The following CABLES1 variants were observed in gnomAD, a reference collection of about 807,000 sequenced individuals.
CABLES1 encodes Cdk5 and Abl enzyme substrate 1, also known as CDK5 and ABL1 enzyme substrate 1.
CABLES1 carries 36 observed loss-of-function variants against 57.8 expected under a neutral mutation model. That is an observed-to-expected ratio of 0.62 (90% confidence interval 0.48 to 0.82). The LOEUF is 0.82. Among genes scored for constraint, CABLES1 ranks in the 40% least tolerant of loss-of-function variants. CABLES1 has a pLI of 0.00. For missense variants in CABLES1, 767 were observed against 836.6 expected, an observed-to-expected ratio of 0.92 and a Z score of 1.03; for synonymous variants, 374 against 363.0, an observed-to-expected ratio of 1.03 and a Z score of -0.35.
intron 9 of CABLES1, among the ~76,000 whole-genome samples, chr18:23,254,526 A>T (rs1442081520): frequency 1.3e-5 from 2 of 152,256 alleles, no homozygotes; most frequent in Admixed American, 6.5e-5. Context: ...ATAGTTTGTT[A>T]CAGTTCCCAA....
intron 1 of CABLES1, among the ~76,000 whole-genome samples, chr18:23,148,613 C>G (rs1182845321): frequency 2.6e-5 from 4 of 152,170 alleles, no homozygotes; most frequent in Non-Finnish European, 4.4e-5. Flanking sequence ...AGAGGACAGC[C>G]CAGCACAAGG....
intron 4 of CABLES1, among the ~76,000 whole-genome samples, chr18:23,225,233 A>G (rs1341114511): frequency 2.0e-5 from 3 of 152,226 alleles, no homozygotes; most frequent in Non-Finnish European, 4.4e-5. Flanking sequence ...TCAGGTTCAC[A>G]GTGAGTTTGT....
At chr18:23,249,573 T>C (rs2047987328) in intron 7 of CABLES1, among the ~76,000 whole-genome samples, 1 of 152,246 alleles carries the variant, frequency 6.6e-6, no homozygotes, top group Non-Finnish European at 1.5e-5. Flanking sequence ...TTTGTGCTCC[T>C]GATGAAATTT....
chr18:23,148,047 C>T (rs1486782485), intron 1 of CABLES1, among the ~76,000 whole-genome samples: 11 of 139,032 alleles, frequency 7.9e-5, no homozygotes, highest in Middle Eastern at 4.2e-3. Flanking sequence ...TGGAGTGCAG[C>T]GGCGTGATCT....
chr18:23,138,447 T>G (rs941131405), intron 1 of CABLES1, among the ~76,000 whole-genome samples: 9 of 152,254 alleles, frequency 5.9e-5, no homozygotes, highest in Non-Finnish European at 1.5e-5. Flanking sequence ...AATCCGTATC[T>G]GGCAACCTGA....
At chr18:23,237,678 C>T (rs2047636782) in intron 7 of CABLES1, among the ~76,000 whole-genome samples, 1 of 152,262 alleles carries the variant, frequency 6.6e-6, no homozygotes, top group Admixed American at 6.5e-5. Context: ...ACAGAATTCT[C>T]TCCTGGGAAA....
chr18:23,189,717 G>C (rs2047227734), intron 2 of CABLES1, among the ~76,000 whole-genome samples: 1 of 152,356 alleles, frequency 6.6e-6, no homozygotes, highest in Middle Eastern at 3.4e-3. Flanking sequence ...TCTGCACCGT[G>C]CGTGCCTTGG....
intron 3 of CABLES1, among the ~76,000 whole-genome samples, chr18:23,207,971 C>T (rs534295484): frequency 3.7e-4 from 56 of 152,326 alleles, no homozygotes; most frequent in African/African-American, 1.3e-3. Context: ...GACCATTTAA[C>T]TCATGCCCCC....
chr18:23,183,416 G>T (rs1001962396), intron 1 of CABLES1, among the ~76,000 whole-genome samples: 1 of 152,220 alleles, frequency 6.6e-6, no homozygotes, highest in Non-Finnish European at 1.5e-5. Flanking sequence ...TTTGGTCCAC[G>T]TAGGAATATC....
At chr18:23,244,861 T>A (rs533271065) in intron 7 of CABLES1, among the ~76,000 whole-genome samples, 1 of 152,368 alleles carries the variant, frequency 6.6e-6, no homozygotes, top group East Asian at 1.9e-4. Flanking sequence ...TGGCCGAGTG[T>A]ACGGCAAGCT....
At chr18:23,149,649 G>A (rs1356852423) in intron 1 of CABLES1, 2 of 152,208 alleles carry the variant, frequency 1.3e-5, no homozygotes, top group East Asian at 1.9e-4. Flanking sequence ...ATTCTTTGGC[G>A]TGTTAGCCCA....
chr18:23,194,068 C>A (rs145886465), intron 2 of CABLES1, among the ~76,000 whole-genome samples: 1 of 152,148 alleles, frequency 6.6e-6, no homozygotes, highest in African/African-American at 2.4e-5. Context: ...TTCCCTACCC[C>A]CTTTAAATGT....
chr18:23,178,559 G>C (rs763303631), intron 1 of CABLES1, among the ~76,000 whole-genome samples: 1 of 152,196 alleles, frequency 6.6e-6, no homozygotes, highest in African/African-American at 2.4e-5. Flanking sequence ...GTTTGAACTT[G>C]TTCCCAGGGG....
chr18:23,156,440 G>A (rs189311391), intron 1 of CABLES1, among the ~76,000 whole-genome samples: 78 of 152,362 alleles, frequency 5.1e-4, no homozygotes, highest in Middle Eastern at 3.4e-3. Context: ...GACCCTGGAC[G>A]TCAGTGCCTG....
At chr18:23,181,386 C>G (rs1437685004) in intron 1 of CABLES1, among the ~76,000 whole-genome samples, 1 of 148,114 alleles carries the variant, frequency 6.8e-6, no homozygotes, top group East Asian at 2.0e-4. Flanking sequence ...GTCCCAGCTA[C>G]TTGGGAGGCT....
chr18:23,188,543 T>TTGTGTGTG (rs55888102), intron 1 of CABLES1, among the ~76,000 whole-genome samples: 21 of 149,062 alleles, frequency 1.4e-4, no homozygotes, highest in African/African-American at 4.7e-4. Context: ...CACCTTGTCT[T>TTGTGTGTG]TGTGTGTGTG....
At position 23,135,987 on chromosome 18, in the gene CABLES1, CGG is replaced by C; in HGVS notation, c.226_227del (p.Gly76ProfsTer223). On this transcript the variant is annotated frameshift_variant, in exon 1 of 10. Transcript: ENST00000256925. LOFTEE classifies it high-confidence loss of function. ...CCTTCCTCACCAACATCTCGCTGGACGGCCGGCTGCCGCCGCAGGACGCGGAG... is the reference window on the plus strand; with the variant it reads ...CCTTCCTCACCAACATCTCGCTGGACCCGGCTGCCGCCGCAGGACGCGGAG... ...LSFLTNISLD[G>X]RLPPQDAEWG... 7 of 1,138,058 alleles carry C rather than the reference CGG, an allele frequency of 6.2e-6. No individual in the cohort carries two copies. Among genetic ancestry groups the C allele is most frequent in the Non-Finnish European group, 7.5e-6 (7 of 927,988 alleles). The allele number at this position is 1,138,058 out of a possible 1,614,324, so 70.5% of individuals were successfully genotyped here. A position where few individuals can be genotyped will look rare whatever the true frequency, so the allele number is the denominator to read the frequency against.
chr18:23,135,946 C>A lies in CABLES1; in HGVS notation c.184C>A (p.Arg62Ser). The A allele has an allele frequency of 8.8e-7, 1 of 1,129,968 alleles. No individual in the cohort carries two copies. Among genetic ancestry groups the A allele is most frequent in the Non-Finnish European group, 1.1e-6 (1 of 925,998 alleles). The allele number at this position is 1,129,968 out of a possible 1,614,324, so 70.0% of individuals were successfully genotyped here. Residue 62 changes from arginine to serine, a missense_variant, in exon 1 of 10, where the codon CGC (arginine) becomes AGC (serine). Coordinates refer to ENST00000256925, the MANE Select transcript of CABLES1 (RefSeq NM_001100619.3). ...PRKPRMDPRR[R>S]QAALSFLTNI... is the part of the protein sequence containing the mutation. ...GAAGCCGCGCATGGACCCGCGGCGC[C>A]GCCAGGCTGCCCTCTCCTTCCTCAC...
intron 7 of CABLES1, among the ~76,000 whole-genome samples, chr18:23,245,615 G>T (rs1913644153): frequency 6.6e-6 from 1 of 152,142 alleles, no homozygotes; most frequent in Non-Finnish European, 1.5e-5. Flanking sequence ...ATCTCAGAAG[G>T]AATTTGTCTA....
Sources: gnomAD v4.1 joint callset for allele counts (sites outside exome capture counted in the v4.1 genomes callset) on GRCh38, gnomAD v4.1.1 for gene constraint, MANE v1.5 for transcripts, NCBI Gene and HGNC (gene_info 2026-07-23, HGNC 2026-07-21) for gene names.